MARCHF1: variants seen among roughly 807,000 people sequenced by gnomAD.
MARCHF1 encodes E3 ubiquitin-protein ligase MARCHF1.
Under a neutral mutation model 54.2 loss-of-function variants are expected in MARCHF1, and 40 were observed. The ratio of observed to expected loss-of-function variants is 0.74; its 90% CI spans 0.57 to 0.96. MARCHF1 has a LOEUF of 0.96. Ranked by LOEUF, MARCHF1 falls within the 40% of genes least tolerant of loss-of-function variation. The probability of loss-of-function intolerance (pLI) is 0.00; values close to 1 mark genes in which losing one functional copy is unlikely to be tolerated. For missense variants in MARCHF1, 586 were observed against 656.5 expected (o/e 0.89, Z 1.17); for synonymous variants, 236 against 236.3 (o/e 1.00, Z 0.01).
intron 2 of MARCHF1, among the ~76,000 whole-genome samples, chr4:163,995,326 C>T (rs964293523): frequency 2.8e-4 from 43 of 152,210 alleles, no homozygotes; most frequent in African/African-American, 1.0e-3. Flanking sequence ...TATCCCCCAC[C>T]CAGGAACCTC....
In MARCHF1 at chr4:164,176,941, G is replaced by T. The variant is rs868514760; in HGVS notation, c.-322-65279C>A. 5.2e-3 allele frequency among the ~76,000 whole-genome samples: 302 copies of T among 58,158 alleles called. 10 individuals carry two copies. Among genetic ancestry groups the T allele is most frequent in the African/African-American group, 0.013 (285 of 22,606 alleles). 38.2% of individuals were successfully genotyped at this position (58,158 alleles called of 152,430 possible). The stretch of plus-strand genomic sequence containing the variant: ...TGTTATTTATCTGAGTACCTTGTGC[G>T]CTCTCTCTCTCTCTCTCTCTCTCTC... On this transcript the variant is annotated intron_variant, in intron 1 of 9. Coordinates refer to ENST00000514618, the MANE Select transcript of MARCHF1 (RefSeq NM_001394959.1).
intron 3 of MARCHF1, among the ~76,000 whole-genome samples, chr4:163,936,162 T>G (rs1043108633): frequency 6.6e-6 from 1 of 152,116 alleles, no homozygotes; most frequent in African/African-American, 2.4e-5. Flanking sequence ...TAGGCATGAT[T>G]CCGGGTGTCC....
At chr4:164,237,875 G>A (rs1012815256) in intron 1 of MARCHF1, among the ~76,000 whole-genome samples, 1 of 151,810 alleles carries the variant, frequency 6.6e-6, no homozygotes, top group Non-Finnish European at 1.5e-5. Flanking sequence ...CCTACTATCT[G>A]TATTAACAAA....
intron 5 of MARCHF1, among the ~76,000 whole-genome samples, chr4:163,639,900 G>A (rs1742492257): frequency 6.6e-6 from 1 of 152,090 alleles, no homozygotes; most frequent in Non-Finnish European, 1.5e-5. Flanking sequence ...GGGGATGGAG[G>A]TAAGAAAAGT....
intron 8 of MARCHF1, among the ~76,000 whole-genome samples, chr4:163,558,557 G>A (rs762839955): frequency 6.6e-6 from 1 of 152,156 alleles, no homozygotes; most frequent in African/African-American, 2.4e-5. Flanking sequence ...TTGAACTCAG[G>A]TTTACATCAA....
intron 4 of MARCHF1, among the ~76,000 whole-genome samples, chr4:163,838,872 G>A (rs1449721070): frequency 6.6e-6 from 1 of 151,984 alleles, no homozygotes; most frequent in African/African-American, 2.4e-5. Flanking sequence ...AACACTAACA[G>A]CACCGGTGAT....
rs548707566 is a variant in MARCHF1, at chr4:163,839,976, A to G, written c.111+14045T>C. ...AAACATGGATCATACCTAGCAAGAA[A>G]TATCACAAAAAAAGAGACTAAGCAA... On this transcript the variant is annotated intron_variant, in intron 4 of 9. Transcript: ENST00000514618. Among the ~76,000 whole-genome samples, 510 of 152,274 alleles carry G rather than the reference A, an allele frequency of 3.3e-3. 3 individuals carry two copies. Among genetic ancestry groups the G allele is most frequent in the African/African-American group, 0.012 (484 of 41,576 alleles).
chr4:164,108,170 G>A (rs1396250078), intron 2 of MARCHF1, among the ~76,000 whole-genome samples: 1 of 151,876 alleles, frequency 6.6e-6, no homozygotes, highest in Non-Finnish European at 1.5e-5. Flanking sequence ...GACCTTTCGT[G>A]GCTTAAAGCA....
chr4:163,761,331 G>T (rs1252921200), intron 4 of MARCHF1, among the ~76,000 whole-genome samples: 3 of 152,154 alleles, frequency 2.0e-5, no homozygotes, highest in Admixed American at 6.5e-5. Context: ...AGGGAAGATG[G>T]ATATAAAATA....
intron 3 of MARCHF1, among the ~76,000 whole-genome samples, chr4:163,979,228 A>G: frequency 1.3e-5 from 1 of 77,672 alleles, no homozygotes. Context: ...TGTCCATGTG[A>G]TCTCATTGTT....
intron 3 of MARCHF1, among the ~76,000 whole-genome samples, chr4:163,966,488 G>A (rs1422470337): frequency 6.6e-6 from 1 of 152,008 alleles, no homozygotes; most frequent in African/African-American, 2.4e-5. Context: ...TAGATGCTCA[G>A]CATTAAAAAA....
At chr4:164,114,270 A>G (rs1383472358) in intron 1 of MARCHF1, among the ~76,000 whole-genome samples, 1 of 151,954 alleles carries the variant, frequency 6.6e-6, no homozygotes, top group African/African-American at 2.4e-5. Context: ...AAATAAAAAC[A>G]TATCTCATTG....
chr4:163,591,070 T>A (rs1452618962), intron 7 of MARCHF1, among the ~76,000 whole-genome samples: 1 of 146,018 alleles, frequency 6.8e-6, no homozygotes, highest in African/African-American at 2.8e-5. Flanking sequence ...TTCATATGAT[T>A]ATTAATTAAT....
At chr4:164,144,072 G>A (rs1729591390) in intron 1 of MARCHF1, among the ~76,000 whole-genome samples, 1 of 152,162 alleles carries the variant, frequency 6.6e-6, no homozygotes, top group African/African-American at 2.4e-5. Flanking sequence ...AAGAGACAAA[G>A]GAGGCCATTA....
intron 4 of MARCHF1, among the ~76,000 whole-genome samples, chr4:163,794,726 A>G (rs8180235): frequency 0.4 from 61,210 of 152,084 alleles, 13,424 homozygotes; most frequent in East Asian, 0.55. Context: ...AATTCTATAC[A>G]TATAATTATA....
At chr4:163,629,216 C>T (rs984977561) in intron 5 of MARCHF1, among the ~76,000 whole-genome samples, 12 of 151,848 alleles carry the variant, frequency 7.9e-5, no homozygotes, top group Non-Finnish European at 1.8e-4. Flanking sequence ...GATATATAGA[C>T]CAATGGAACA....
At chr4:164,142,026 G>C (rs1756552237) in intron 1 of MARCHF1, among the ~76,000 whole-genome samples, 1 of 152,186 alleles carries the variant, frequency 6.6e-6, no homozygotes, top group African/African-American at 2.4e-5. Flanking sequence ...AAGGGGTCAG[G>C]GAGTTCCCTT....
intron 1 of MARCHF1, among the ~76,000 whole-genome samples, chr4:164,250,146 G>C (rs1298409042): frequency 1.3e-5 from 2 of 152,116 alleles, no homozygotes; most frequent in Non-Finnish European, 2.9e-5. Flanking sequence ...ATGTAGCACT[G>C]ATTGGAGCTC....
chr4:163,995,239 T>C (rs1213511355), intron 2 of MARCHF1, among the ~76,000 whole-genome samples: 1 of 151,996 alleles, frequency 6.6e-6, no homozygotes, highest in Non-Finnish European at 1.5e-5. Context: ...TATTCAGGTG[T>C]ATGGGTTTAT....
Sources: allele counts gnomAD v4.1 joint callset (sites outside exome capture counted in the v4.1 genomes callset), GRCh38; gene constraint gnomAD v4.1.1; transcripts MANE v1.5; gene names NCBI Gene and HGNC (gene_info 2026-07-23, HGNC 2026-07-21).